Variants in ANKRD17 observed in about 807,000 individuals in gnomAD.
ANKRD17 encodes ankyrin repeat domain-containing protein 17.
A neutral mutation model predicts 229.7 loss-of-function variants in ANKRD17; 19 were observed. That is an observed-to-expected ratio of 0.08 (90% CI 0.06 to 0.12). The LOEUF is 0.12. Among genes scored for constraint, ANKRD17 ranks in the 10% least tolerant of loss-of-function variants. The pLI is 1.00. For missense variants in ANKRD17, 2,176 were observed against 3,176.8 expected, an observed-to-expected ratio of 0.68 and a Z score of 7.57; for synonymous variants, 1,112 against 1,146.1, an observed-to-expected ratio of 0.97 and a Z score of 0.60.
chr4:73,155,426 GC>G (rs1300986434), intron 5 of ANKRD17, among the ~76,000 whole-genome samples: 1 of 152,090 alleles, frequency 6.6e-6, no homozygotes, highest in African/African-American at 2.4e-5. Flanking sequence ...ATCTTAAAAG[GC>G]CAATTGCCCT....
Position 73,094,085 on chromosome 4 carries a change from G to A in ANKRD17, c.5321C>T (p.Thr1774Ile), listed in dbSNP as rs1723055599. The change falls in exon 28 of 34, where the codon ACT becomes ATT. Residue 1774 changes from threonine (T) to isoleucine (I), a missense_variant. Thr to Ile is a moderately conservative substitution (Grantham distance 89). Coordinates refer to ENST00000358602, the MANE Select transcript of ANKRD17 (RefSeq NM_032217.5). Reference protein sequence around the residue: ...QKDKTGDRIITIRGGTESTRQ... With the variant: ...QKDKTGDRIIIIRGGTESTRQ... ...GTAAGAGACAAAGTTTTGCCTTATA[G>A]TGATTATCCGGTCTCCAGTCTTGTC... is the stretch of plus-strand genomic sequence containing the variant. The A allele has an allele frequency of 1.9e-6, 3 of 1,613,512 alleles. No individual in the cohort carries two copies. The highest frequency in any genetic ancestry group is 2.5e-6 in the Non-Finnish European group (3 of 1,179,670).
At chr4:73,129,585 G>A (rs1353727958) in intron 16 of ANKRD17, among the ~76,000 whole-genome samples, 1 of 151,934 alleles carries the variant, frequency 6.6e-6, no homozygotes, top group Non-Finnish European at 1.5e-5. Context: ...GAAGTGGTGT[G>A]CAATGCCTGT....
chr4:73,230,628 A>G (rs1323808794), intron 1 of ANKRD17, among the ~76,000 whole-genome samples: 1 of 152,186 alleles, frequency 6.6e-6, no homozygotes, highest in Admixed American at 6.5e-5. Flanking sequence ...CAACTAATAA[A>G]TGAAATCTGA....
intron 24 of ANKRD17, among the ~76,000 whole-genome samples, chr4:73,108,165 G>A (rs1025406152): frequency 3.3e-5 from 5 of 152,058 alleles, no homozygotes; most frequent in East Asian, 1.9e-4. Flanking sequence ...TTTTCAACGC[G>A]ATGGAGTATA....
intron 1 of ANKRD17, among the ~76,000 whole-genome samples, chr4:73,243,116 A>G (rs1578506305): frequency 6.6e-6 from 1 of 152,178 alleles, no homozygotes; most frequent in South Asian, 2.1e-4. Flanking sequence ...GAAAGTCTGC[A>G]TGTTTCAAAA....
At chr4:73,234,519 T>G (rs916071640) in intron 1 of ANKRD17, among the ~76,000 whole-genome samples, 2 of 152,198 alleles carry the variant, frequency 1.3e-5, no homozygotes, top group African/African-American at 4.8e-5. Context: ...GTGTAAGAGC[T>G]TTCCCTGAGG....
intron 2 of ANKRD17, among the ~76,000 whole-genome samples, chr4:73,169,675 G>A (rs113370102): frequency 0.019 from 2,908 of 152,244 alleles, 93 homozygotes; most frequent in African/African-American, 0.066. Flanking sequence ...ATTAAAGAGG[G>A]TAGAAAAGAC....
At chr4:73,190,858 G>A (rs1736979531) in intron 1 of ANKRD17, among the ~76,000 whole-genome samples, 1 of 151,536 alleles carries the variant, frequency 6.6e-6, no homozygotes, top group Non-Finnish European at 1.5e-5. Flanking sequence ...AAGACCTACA[G>A]GAAAAAAACT....
At chr4:73,202,318 T>TAAAAAA (rs10533861) in intron 1 of ANKRD17, among the ~76,000 whole-genome samples, 3 of 21,902 alleles carry the variant, frequency 1.4e-4, no homozygotes, top group East Asian at 1.7e-3. Flanking sequence ...GGAACAGGAT[T>TAAAAAA]AAAAAAAAAA....
At chr4:73,150,165 C>G (rs569621489) in intron 7 of ANKRD17, among the ~76,000 whole-genome samples, 135 of 152,096 alleles carry the variant, frequency 8.9e-4, no homozygotes, top group Non-Finnish European at 2.1e-4. Flanking sequence ...TTCTTCAGTG[C>G]TGAATCTTCT....
At chr4:73,126,777 G>C (rs1727528347) in intron 16 of ANKRD17, among the ~76,000 whole-genome samples, 1 of 151,854 alleles carries the variant, frequency 6.6e-6, no homozygotes, top group Non-Finnish European at 1.5e-5. Context: ...TGTCACCCAG[G>C]CTGGAGTGCA....
In ANKRD17 at chr4:73,090,983, G is replaced by A; in HGVS notation, c.6645C>T (p.Pro2215=). The A allele has an allele frequency of 6.2e-7, 1 of 1,614,224 alleles. No individual in the cohort carries two copies. Among genetic ancestry groups the A allele is most frequent in the South Asian group, 1.1e-5 (1 of 91,080 alleles). The change falls in exon 29 of 34, where the codon CCC becomes CCT. Residue 2215 remains proline, a synonymous_variant. Transcript: ENST00000358602. ...AGGTCGAAGGTAGCTGGACAGAAGA[G>A]GGAACACTGTGAGGTCTTTTAATGT... ...VNHIKRPHSV[P]SSVQLPSTLS... is the part of the protein sequence containing the mutation.
At chr4:73,146,644 AT>A (rs1490242056) in intron 10 of ANKRD17, 119 bp downstream of exon 10, 1 of 778,876 alleles carries the variant, frequency 1.3e-6, no homozygotes, top group Non-Finnish European at 1.9e-6. Flanking sequence ...TGGCAAAAAA[AT>A]AAAAATAAAA....
Position 73,100,669 on chromosome 4 carries a change from T to C in ANKRD17, c.4573+1707A>G, listed in dbSNP as rs115171197. 6.2e-3 allele frequency among the ~76,000 whole-genome samples: 946 copies of C among 152,248 alleles called. 5 individuals are homozygous for C. The highest frequency in any genetic ancestry group is 0.011 in the Non-Finnish European group (780 of 68,016). On this transcript the variant is annotated intron_variant, in intron 25 of 33. Coordinates refer to ENST00000358602, the MANE Select transcript of ANKRD17 (RefSeq NM_032217.5). ...GTGATTTCACATGATATGTATAGCT[T>C]ACCTCAAACAACTCAAAAAAAGAGA...
chr4:73,168,024 C>T (rs891267323), intron 2 of ANKRD17, among the ~76,000 whole-genome samples: 10 of 151,970 alleles, frequency 6.6e-5, no homozygotes, highest in South Asian at 2.1e-4. Context: ...TGGTGGCAGA[C>T]GCCTGTAGTC....
chr4:73,230,448 T>G (rs1742935027), intron 1 of ANKRD17, among the ~76,000 whole-genome samples: 1 of 152,260 alleles, frequency 6.6e-6, no homozygotes, highest in South Asian at 2.1e-4. Flanking sequence ...GAGTACTTAC[T>G]AGGTGGCAGG....
intron 1 of ANKRD17, among the ~76,000 whole-genome samples, chr4:73,227,851 T>C (rs1470831221): frequency 6.6e-6 from 1 of 152,162 alleles, no homozygotes; most frequent in Non-Finnish European, 1.5e-5. Flanking sequence ...AACTCTGTTT[T>C]GCATGACTTA....
chr4:73,230,081 T>C (rs1222703114), intron 1 of ANKRD17, among the ~76,000 whole-genome samples: 1 of 152,100 alleles, frequency 6.6e-6, no homozygotes, highest in Non-Finnish European at 1.5e-5. Context: ...ATTTTGATGA[T>C]TACATTTAAA....
At position 73,258,708 on chromosome 4, in the gene ANKRD17, T is replaced by C; in HGVS notation, c.-40A>G. 7.1e-7 allele frequency: 1 copy of C among 1,414,976 alleles called. No individual in the cohort carries two copies. The highest frequency in any genetic ancestry group is 9.1e-7 in the Non-Finnish European group (1 of 1,097,222). 87.7% of individuals were successfully genotyped at this position (1,414,976 alleles called of 1,614,324 possible). A position where few individuals can be genotyped will look rare whatever the true frequency, so the allele number is the denominator to read the frequency against. ...GGAGGGCGCGGACGGGGGAGGGGCG[T>C]GGGGCTACGCTCTACCGCGACTTCG... On this transcript the variant is annotated 5_prime_UTR_variant, in exon 1 of 34. Coordinates refer to ENST00000358602, the MANE Select transcript of ANKRD17 (RefSeq NM_032217.5).
Sources: gnomAD v4.1 joint callset for allele counts (sites outside exome capture counted in the v4.1 genomes callset) on GRCh38, gnomAD v4.1.1 for gene constraint, MANE v1.5 for transcripts, NCBI Gene and HGNC (gene_info 2026-07-23, HGNC 2026-07-21) for gene names.